Variants in TMEM30A observed in about 807,000 individuals in gnomAD.
TMEM30A encodes cell division cycle 50 P4-ATPase accessory subunit A.
TMEM30A carries 24 observed loss-of-function variants against 38.2 expected under a neutral mutation model. The ratio of observed to expected loss-of-function variants is 0.63; its 90% CI spans 0.46 to 0.88. TMEM30A has a LOEUF of 0.88. Among genes scored for constraint, TMEM30A ranks in the 40% least tolerant of loss-of-function variants. The pLI, the probability that TMEM30A is intolerant of heterozygous loss-of-function variation, is 0.00. For missense variants in TMEM30A, 370 were observed against 458.6 expected (o/e 0.81, Z 1.77); for synonymous variants, 145 against 161.6 (o/e 0.90, Z 0.78).
At chr6:75,269,871 T>C (rs1467537260) in intron 1 of TMEM30A, among the ~76,000 whole-genome samples, 1 of 152,136 alleles carries the variant, frequency 6.6e-6, no homozygotes, top group African/African-American at 2.4e-5. Context: ...ATTTTTGTAT[T>C]TTTAGTAGAG....
In TMEM30A at chr6:75,255,868, C is replaced by A; in HGVS notation, c.*234G>T. Reference sequence around the variant, plus strand: ...CGAATAAAAAGCAAACATTAGAATGCCATTTCAGCAGTTACAGTGTTGATA... The same window carrying A: ...CGAATAAAAAGCAAACATTAGAATGACATTTCAGCAGTTACAGTGTTGATA... On this transcript the variant is annotated 3_prime_UTR_variant, in exon 7 of 7. Coordinates refer to ENST00000230461, the MANE Select transcript of TMEM30A (RefSeq NM_018247.4). 1 of 374,520 alleles carries A rather than the reference C, an allele frequency of 2.7e-6. No individual in the cohort carries two copies. 23.2% of individuals were successfully genotyped at this position (374,520 alleles called of 1,614,324 possible).
In TMEM30A at chr6:75,256,109, G is replaced by A. The variant is rs758427537; in HGVS notation, c.1079C>T (p.Thr360Ile). ...YRNSSNTADI[T>I]I is the part of the protein sequence containing the mutation. ...TGCTTTCATAATATAAAATTAAATG[G>A]TAATGTCAGCTGTATTACTACTGTT... Residue 360 changes from threonine (T) to isoleucine (I), a missense_variant, in exon 7 of 7, where the codon ACC becomes ATC. By Grantham distance (89) the Thr-to-Ile change is moderately conservative. Transcript: ENST00000230461. 6.3e-7 allele frequency: 1 copy of A among 1,598,622 alleles called. No homozygotes were observed. Among genetic ancestry groups the A allele is most frequent in the Non-Finnish European group, 8.6e-7 (1 of 1,168,734 alleles).
chr6:75,259,120 T>C (rs958609337), intron 5 of TMEM30A, 134 bp from the exon 6 acceptor site: 5 of 856,640 alleles, frequency 5.8e-6, no homozygotes, highest in Admixed American at 5.8e-5. Context: ...TAAAATATTA[T>C]AGCTGAAATG....
chr6:75,265,726 T>C (rs1772057571), intron 2 of TMEM30A, among the ~76,000 whole-genome samples: 1 of 152,194 alleles, frequency 6.6e-6, no homozygotes, highest in Admixed American at 6.5e-5. Flanking sequence ...TTGTTTCTTT[T>C]TTTTTTCTCC....
chr6:75,260,370 C>T (rs773217830), intron 4 of TMEM30A, among the ~76,000 whole-genome samples: 5 of 151,826 alleles, frequency 3.3e-5, no homozygotes, highest in Non-Finnish European at 7.4e-5. Context: ...CGCGCCACTG[C>T]ACTCCAGCCT....
intron 1 of TMEM30A, among the ~76,000 whole-genome samples, chr6:75,282,161 C>A (rs1373101506): frequency 6.6e-6 from 1 of 152,164 alleles, no homozygotes; most frequent in Non-Finnish European, 1.5e-5. Flanking sequence ...AATCTTTTGG[C>A]TCTTCAAGTA....
At position 75,253,564 on chromosome 6, in the gene TMEM30A, AC is replaced by A. The variant is rs1414552937; in HGVS notation, c.*2537del. Reference sequence around the variant, plus strand: ...TAAAATTTAGTGCTAAATGTAAGCAACAACACTGGAGCATTGTTATTTTATC... The same window carrying A: ...TAAAATTTAGTGCTAAATGTAAGCAAAACACTGGAGCATTGTTATTTTATC... On this transcript the variant is annotated 3_prime_UTR_variant, in exon 7 of 7. Transcript: ENST00000230461. 1 of 152,640 alleles carries A rather than the reference AC, an allele frequency of 6.6e-6. No homozygotes were observed. The highest frequency in any genetic ancestry group is 1.5e-5 in the Non-Finnish European group (1 of 68,030). The allele number at this position is 152,640 out of a possible 1,614,324, so 9.5% of individuals were successfully genotyped here. A position where few individuals can be genotyped will look rare whatever the true frequency, so the allele number is the denominator to read the frequency against.
chr6:75,269,274 C>G (rs1772125730), intron 1 of TMEM30A, among the ~76,000 whole-genome samples: 1 of 152,196 alleles, frequency 6.6e-6, no homozygotes, highest in Non-Finnish European at 1.5e-5. Context: ...GGAATAGTCT[C>G]TCTGCCCTAA....
intron 6 of TMEM30A, among the ~76,000 whole-genome samples, chr6:75,258,075 T>C (rs1771895297): frequency 6.6e-6 from 1 of 152,170 alleles, no homozygotes. Context: ...AGAGTAAAAT[T>C]ATGGCCTTTG....
intron 1 of TMEM30A, among the ~76,000 whole-genome samples, chr6:75,273,583 G>T (rs1035292272): frequency 1.3e-5 from 2 of 152,126 alleles, no homozygotes; most frequent in Non-Finnish European, 2.9e-5. Flanking sequence ...TATCTACAGG[G>T]AGAGAGTACA....
intron 6 of TMEM30A, chr6:75,256,725 G>T (rs770948087): frequency 2.1e-6 from 1 of 475,292 alleles, no homozygotes; most frequent in Non-Finnish European, 4.2e-6. Flanking sequence ...CATGTATCAA[G>T]AGTGTAGTTA....
chr6:75,274,853 T>C (rs1053372884), intron 1 of TMEM30A, among the ~76,000 whole-genome samples: 13 of 151,932 alleles, frequency 8.6e-5, no homozygotes, highest in Non-Finnish European at 1.8e-4. Context: ...CTACTAAAAA[T>C]ACAAAAAATT....
At chr6:75,262,073 G>A (rs368390765) in intron 3 of TMEM30A, among the ~76,000 whole-genome samples, 1 of 152,322 alleles carries the variant, frequency 6.6e-6, no homozygotes, top group South Asian at 2.1e-4. Flanking sequence ...AGGGCCGGGT[G>A]CGGTGGCTCA....
At chr6:75,261,589 C>T (rs1771966352) in intron 3 of TMEM30A, among the ~76,000 whole-genome samples, 1 of 152,184 alleles carries the variant, frequency 6.6e-6, no homozygotes, top group Non-Finnish European at 1.5e-5. Flanking sequence ...TGGGATTCAA[C>T]TAGAGATCAT....
chr6:75,277,132 G>A (rs1357705195), intron 1 of TMEM30A, among the ~76,000 whole-genome samples: 1 of 152,054 alleles, frequency 6.6e-6, no homozygotes. Context: ...AGGAGTTAAA[G>A]GGAGATGGGA....
chr6:75,256,987 C>A (rs1771878081), intron 6 of TMEM30A, among the ~76,000 whole-genome samples: 1 of 152,108 alleles, frequency 6.6e-6, no homozygotes, highest in Admixed American at 6.6e-5. Context: ...AGTCTCCATG[C>A]AAAAAGTTTA....
At chr6:75,282,688 C>T (rs559943198) in intron 1 of TMEM30A, among the ~76,000 whole-genome samples, 1 of 152,288 alleles carries the variant, frequency 6.6e-6, no homozygotes, top group East Asian at 1.9e-4. Context: ...ACTGTCAAAT[C>T]TCAACCTCTC....
chr6:75,262,731 C>G (rs1221466466), intron 3 of TMEM30A, among the ~76,000 whole-genome samples: 1 of 152,022 alleles, frequency 6.6e-6, no homozygotes, highest in East Asian at 1.9e-4. Flanking sequence ...ATACTAGGTG[C>G]TAAAAACAGA....
chr6:75,253,435 T>C lies in TMEM30A; in HGVS notation c.*2667A>G, dbSNP rs767585607. On this transcript the variant is annotated 3_prime_UTR_variant, in exon 7 of 7. Coordinates refer to ENST00000230461, the MANE Select transcript of TMEM30A (RefSeq NM_018247.4). ...TGGTAAGAACAAATGGTTAATGTTG[T>C]CACAGTGATTAATAAATACAAATAT... is the stretch of plus-strand genomic sequence containing the variant. The C allele has an allele frequency of 1.3e-5, 2 of 152,468 alleles. No individual in the cohort carries two copies. The highest frequency in any genetic ancestry group is 2.4e-5 in the African/African-American group (1 of 41,452). 9.4% of individuals were successfully genotyped at this position (152,468 alleles called of 1,614,324 possible). A position where few individuals can be genotyped will look rare whatever the true frequency, so the allele number is the denominator to read the frequency against.
Sources: gnomAD v4.1 joint callset for allele counts (sites outside exome capture counted in the v4.1 genomes callset) on GRCh38, gnomAD v4.1.1 for gene constraint, MANE v1.5 for transcripts, NCBI Gene and HGNC (gene_info 2026-07-23, HGNC 2026-07-21) for gene names.